Variants in MFGE8 observed in about 807,000 individuals in gnomAD.
MFGE8 encodes lactadherin.
In MFGE8, 34 loss-of-function variants were observed where a neutral mutation model predicts 42.6. The ratio of observed to expected loss-of-function variants is 0.80; its 90% CI spans 0.61 to 1.06. The LOEUF (loss-of-function observed/expected upper bound fraction) is 1.06, where lower values mean the gene tolerates loss of function less well. MFGE8 is among the 50% of genes least tolerant of loss of function. The probability of loss-of-function intolerance (pLI) is 0.00; values close to 1 mark genes in which losing one functional copy is unlikely to be tolerated. For missense variants in MFGE8, 510 were observed against 516.9 expected, an observed-to-expected ratio of 0.99 and a Z score of 0.13; for synonymous variants, 230 against 214.8, an observed-to-expected ratio of 1.07 and a Z score of -0.62.
In MFGE8 at chr15:88,905,347, T is replaced by C. The variant is rs1898619290; in HGVS notation, c.685+410A>G. On this transcript the variant is annotated intron_variant, in intron 5 of 7. Coordinates refer to ENST00000268150, the MANE Select transcript of MFGE8 (RefSeq NM_005928.4). This position sits in a 1 kb window ranked among gnomAD's most constrained non-coding sequence, Gnocchi z 6.6. ...ATTCGCTCATTCATCAAATATTTAT[T>C]GAGTACCTATAAACCAGACACCATT... The C allele has an allele frequency of 2.7e-6, 1 of 377,060 alleles. No homozygotes were observed. The allele number at this position is 377,060 out of a possible 1,614,324, so 23.4% of individuals were successfully genotyped here. A position where few individuals can be genotyped will look rare whatever the true frequency, so the allele number is the denominator to read the frequency against.
chr15:88,906,480 A>G lies in MFGE8; in HGVS notation c.540+146T>C. On this transcript the variant is annotated intron_variant, in intron 4 of 7. Transcript: ENST00000268150. The surrounding 1 kb of genome is among the most constrained non-coding windows in gnomAD (Gnocchi z 4.2). ...AACATGGACACAGTCTGGGTTTCCC[A>G]ATTTCTAGAAGCCAAGATGCACCCG... The G allele has an allele frequency of 5.5e-6, 5 of 915,060 alleles. No homozygotes were observed. The highest frequency in any genetic ancestry group is 8.9e-6 in the Non-Finnish European group (5 of 559,462). The allele number at this position is 915,060 out of a possible 1,614,324, so 56.7% of individuals were successfully genotyped here.
At chr15:88,912,089 G>A in intron 1 of MFGE8, 1 of 1,286,400 alleles carries the variant, frequency 7.8e-7, no homozygotes. Context: ...GGGAAAAAGG[G>A]AAAGGGAAAG....
Position 88,907,382 on chromosome 15 carries a change from G to A in MFGE8, c.206-6C>T, listed in dbSNP as rs766776728. ...GCCCAGTGGCTCGACACATTCTGAG[G>A]GAAGGGAGGTGGCAGTCAGGTGGCT... On this transcript the variant is annotated splice_polypyrimidine_tract_variant and splice_region_variant and intron_variant, in intron 2 of 7. Coordinates refer to ENST00000268150, the MANE Select transcript of MFGE8 (RefSeq NM_005928.4). 2 of 1,614,104 alleles carry A rather than the reference G, an allele frequency of 1.2e-6. No homozygotes were observed. The highest frequency in any genetic ancestry group is 1.7e-5 in the Admixed American group (1 of 60,022).
At position 88,902,013 on chromosome 15, in the gene MFGE8, C is replaced by G. The variant is rs1039688309; in HGVS notation, c.686-278G>C. 1 of 453,726 alleles carries G rather than the reference C, an allele frequency of 2.2e-6. No individual in the cohort carries two copies. The highest frequency in any genetic ancestry group is 2.0e-5 in the African/African-American group (1 of 50,178). The allele number at this position is 453,726 out of a possible 1,614,324, so 28.1% of individuals were successfully genotyped here. On this transcript the variant is annotated intron_variant, in intron 5 of 7. Transcript: ENST00000268150. This position sits in a 1 kb window ranked among gnomAD's most constrained non-coding sequence, Gnocchi z 4.3. ...CTTCTCCTCTGCACCAGGGAAGGCC[C>G]CTGCTCCACCACCTCCTGCCCTCCT... is the stretch of plus-strand genomic sequence containing the variant.
At chr15:88,900,758 C>T in intron 6 of MFGE8, 1 of 985,414 alleles carries the variant, frequency 1.0e-6, no homozygotes, top group East Asian at 1.1e-4. Context: ...TCTTTTGTTT[C>T]CTAGTTTCAA....
In MFGE8 at chr15:88,899,575, C is replaced by A. The variant is rs553088811; in HGVS notation, c.1027-43G>T. The A allele has an allele frequency of 1.2e-6, 2 of 1,614,006 alleles. No homozygotes were observed. The highest frequency in any genetic ancestry group is 1.7e-5 in the Admixed American group (1 of 60,002). On this transcript the variant is annotated intron_variant, in intron 7 of 7. Transcript: ENST00000268150. The surrounding 1 kb of genome is among the most constrained non-coding windows in gnomAD (Gnocchi z 6.8). ...GTCAGGAGGACCCCGAGCCAGCCCC[C>A]CTCCCCTCAGAGCCCCAGGCCAGAC...
intron 2 of MFGE8, among the ~76,000 whole-genome samples, chr15:88,908,515 G>A (rs766198735): frequency 2.2e-4 from 34 of 152,176 alleles, no homozygotes; most frequent in African/African-American, 8.0e-4. Flanking sequence ...GAAGAGCTGC[G>A]AAGGTCCCTC....
At chr15:88,908,476 C>G (rs1800918523) in intron 2 of MFGE8, among the ~76,000 whole-genome samples, 1 of 152,164 alleles carries the variant, frequency 6.6e-6, no homozygotes, top group African/African-American at 2.4e-5. Flanking sequence ...CTTGTTGGCT[C>G]CAAGGAAACA....
chr15:88,901,067 ACACATT>A (rs1898351273), intron 6 of MFGE8, among the ~76,000 whole-genome samples: 1 of 126,232 alleles, frequency 7.9e-6, no homozygotes, highest in African/African-American at 2.7e-5. Flanking sequence ...ACATTCACAT[ACACATT>A]CACATACACA....
At chr15:88,901,052 CATACACATTCACAT>C (rs1188124664) in intron 6 of MFGE8, among the ~76,000 whole-genome samples, 1 of 144,906 alleles carries the variant, frequency 6.9e-6, no homozygotes, top group Non-Finnish European at 1.5e-5. Flanking sequence ...CACATTCACA[CATACACATTCACAT>C]ACACATTCAC....
intron 6 of MFGE8, among the ~76,000 whole-genome samples, chr15:88,901,060 T>C (rs1898349601): frequency 8.7e-6 from 1 of 115,098 alleles, no homozygotes; most frequent in Non-Finnish European, 1.8e-5. Context: ...CACATACACA[T>C]TCACATACAC....
intron 5 of MFGE8, chr15:88,904,494 C>T (rs1898575460): frequency 6.6e-6 from 1 of 152,230 alleles, no homozygotes; most frequent in Non-Finnish European, 1.5e-5. Context: ...CTCTCTTGGC[C>T]CTGAGCAGGG....
chr15:88,908,204 G>A (rs1338768949), intron 2 of MFGE8, among the ~76,000 whole-genome samples: 2 of 152,184 alleles, frequency 1.3e-5, no homozygotes, highest in East Asian at 3.9e-4. Flanking sequence ...CCCCCAGCGT[G>A]TGCCTGGGCC....
intron 2 of MFGE8, among the ~76,000 whole-genome samples, chr15:88,908,422 C>T (rs1898801173): frequency 6.6e-6 from 1 of 152,228 alleles, no homozygotes; most frequent in African/African-American, 2.4e-5. Flanking sequence ...ACCACGCTCA[C>T]ACCCTGAAGG....
rs5814347 is a variant in MFGE8 at position 88,900,243 on chromosome 15, G to GA, written c.871-433dup. On this transcript the variant is annotated intron_variant, in intron 6 of 7. Coordinates refer to ENST00000268150, the MANE Select transcript of MFGE8 (RefSeq NM_005928.4). ...GGTGACAGAGCAAGGCTCTGTCTCA[G>GA]AAAAAAAAAAAAAAAAAGCGGTGAG... 3.4e-3 allele frequency among the ~76,000 whole-genome samples: 366 copies of GA among 106,914 alleles called. 2 individuals carry two copies. Among genetic ancestry groups the GA allele is most frequent in the Admixed American group, 0.023 (248 of 10,946 alleles). 70.1% of individuals were successfully genotyped at this position (106,914 alleles called of 152,430 possible).
At chr15:88,907,122 TAACCCCC>T in intron 3 of MFGE8, 66 bp downstream of exon 3, 1 of 1,522,448 alleles carries the variant, frequency 6.6e-7, no homozygotes. Flanking sequence ...CCTCCTGGGG[TAACCCCC>T]AAATGCAGAA....
chr15:88,906,338 T>C lies in MFGE8; in HGVS notation c.540+288A>G, dbSNP rs1304004874. ...ACCTACACAACTGTACATGTACCCA[T>C]GAAGGCTCAGAATGAAACCCAGCTC... On this transcript the variant is annotated intron_variant, in intron 4 of 7. Coordinates refer to ENST00000268150, the MANE Select transcript of MFGE8 (RefSeq NM_005928.4). This position sits in a 1 kb window ranked among gnomAD's most constrained non-coding sequence, Gnocchi z 4.2. 1.2e-5 allele frequency: 6 copies of C among 486,170 alleles called. No individual in the cohort carries two copies. The highest frequency in any genetic ancestry group is 1.9e-5 in the Non-Finnish European group (5 of 265,224). The allele number at this position is 486,170 out of a possible 1,614,324, so 30.1% of individuals were successfully genotyped here.
rs1480254057 is a variant in MFGE8, at chr15:88,901,305, T to A, written c.870+246A>T. 1.1e-3 allele frequency among the ~76,000 whole-genome samples: 80 copies of A among 69,712 alleles called. 2 individuals are homozygous for A. Among genetic ancestry groups the A allele is most frequent in the African/African-American group, 3.1e-3 (77 of 24,810 alleles). 45.7% of individuals were successfully genotyped at this position (69,712 alleles called of 152,430 possible). On this transcript the variant is annotated intron_variant, in intron 6 of 7. Coordinates refer to ENST00000268150, the MANE Select transcript of MFGE8 (RefSeq NM_005928.4). ...CTCACATTCACACACATTCACACAC[T>A]CACACACACACATTCACACACACAC...
At chr15:88,910,304 C>A in intron 1 of MFGE8, 1 of 336,936 alleles carries the variant, frequency 3.0e-6, no homozygotes, top group Non-Finnish European at 5.8e-6. Flanking sequence ...CAAAGGAGGC[C>A]CATGAGGACT....
Sources: allele counts gnomAD v4.1 joint callset (sites outside exome capture counted in the v4.1 genomes callset), GRCh38; gene constraint gnomAD v4.1.1; non-coding constraint Gnocchi (gnomAD v3.1); transcripts MANE v1.5; gene names NCBI Gene and HGNC (gene_info 2026-07-23, HGNC 2026-07-21).